The following GNAL variants were observed in gnomAD, a reference collection of about 807,000 sequenced individuals.
The protein encoded by GNAL is guanine nucleotide-binding protein G(olf) subunit alpha.
A neutral mutation model predicts 55.1 loss-of-function variants in GNAL; 18 were observed. The ratio of observed to expected loss-of-function variants is 0.33; its 90% CI spans 0.23 to 0.48. GNAL has a LOEUF of 0.48. Among genes scored for constraint, GNAL ranks in the 20% least tolerant of loss-of-function variants. The pLI, the probability that GNAL is intolerant of heterozygous loss-of-function variation, is 0.99. For synonymous variants in GNAL, 253 were observed against 237.0 expected, an observed-to-expected ratio of 1.07 and a Z score of -0.62; for missense variants, 412 against 614.1, an observed-to-expected ratio of 0.67 and a Z score of 3.48.
At chr18:11,826,198 C>G (rs1022348304) in intron 5 of GNAL, among the ~76,000 whole-genome samples, 2 of 151,912 alleles carry the variant, frequency 1.3e-5, no homozygotes, top group South Asian at 2.1e-4. Context: ...CCCAGCGAAG[C>G]CCAGAGAGCC....
chr18:11,782,543 C>T (rs2033949919), intron 4 of GNAL, among the ~76,000 whole-genome samples: 1 of 152,076 alleles, frequency 6.6e-6, no homozygotes, highest in Non-Finnish European at 1.5e-5. Flanking sequence ...ATAGTCGTAA[C>T]ATTCAGGATA....
rs146050418 is a variant in GNAL at position 11,763,242 on chromosome 18, C to G, written c.624+9297C>G. 2.1e-3 allele frequency among the ~76,000 whole-genome samples: 326 copies of G among 152,220 alleles called. 2 individuals are homozygous for G. Among genetic ancestry groups the G allele is most frequent in the African/African-American group, 7.6e-3 (315 of 41,518 alleles). The stretch of plus-strand genomic sequence containing the variant: ...GTGGCCACATTCATGCTCTCACTCT[C>G]TCTACACTAACACACATTTTTGTGA... On this transcript the variant is annotated intron_variant, in intron 4 of 11. Transcript: ENST00000334049.
Position 11,867,242 on chromosome 18 carries a change from T to C in GNAL, c.910+16T>C, listed in dbSNP as rs1360627789. The C allele has an allele frequency of 1.4e-5, 22 of 1,541,818 alleles. No homozygotes were observed. Among genetic ancestry groups the C allele is most frequent in the Non-Finnish European group, 1.3e-5 (15 of 1,114,632 alleles). Reference sequence around the variant, plus strand: ...TGCTTTAACGGTGATTTTTTTATGCTCTCTCAAGAAAATAGGAGTGAATTC... The same window carrying C: ...TGCTTTAACGGTGATTTTTTTATGCCCTCTCAAGAAAATAGGAGTGAATTC... On this transcript the variant is annotated intron_variant, in intron 8 of 11. Coordinates refer to ENST00000334049, the MANE Select transcript of GNAL (RefSeq NM_182978.4).
chr18:11,871,253 C>CTCTT (rs1555616384), intron 9 of GNAL, among the ~76,000 whole-genome samples: 2 of 138,658 alleles, frequency 1.4e-5, no homozygotes, highest in African/African-American at 5.2e-5. Context: ...GTTTTTCTTT[C>CTCTT]TTTTTTTTTT....
chr18:11,705,344 T>A (rs1189708693), intron 1 of GNAL, among the ~76,000 whole-genome samples: 1 of 152,244 alleles, frequency 6.6e-6, no homozygotes, highest in South Asian at 2.1e-4. Context: ...ATTTTCTTTC[T>A]TCATTCATCT....
In GNAL at chr18:11,884,214, AT is replaced by A; in HGVS notation, c.*3082del. 1 of 511,388 alleles carries A rather than the reference AT, an allele frequency of 2.0e-6. No homozygotes were observed. Among genetic ancestry groups the A allele is most frequent in the Non-Finnish European group, 3.5e-6 (1 of 283,416 alleles). 31.7% of individuals were successfully genotyped at this position (511,388 alleles called of 1,614,324 possible). On this transcript the variant is annotated 3_prime_UTR_variant, in exon 12 of 12. Coordinates refer to ENST00000334049, the MANE Select transcript of GNAL (RefSeq NM_182978.4). ...AGATGCAACCTTTGATGATACATATATTTGATAAAAATGAGAAAACAGATTT... is the reference window on the plus strand; with the variant it reads ...AGATGCAACCTTTGATGATACATATATTGATAAAAATGAGAAAACAGATTT...
chr18:11,787,267 T>A (rs1352410449), intron 4 of GNAL, among the ~76,000 whole-genome samples: 1 of 152,214 alleles, frequency 6.6e-6, no homozygotes, highest in Non-Finnish European at 1.5e-5. Flanking sequence ...GGCAGAAGTC[T>A]GTTCTGTATC....
intron 5 of GNAL, among the ~76,000 whole-genome samples, chr18:11,849,037 A>C (rs2035797016): frequency 6.6e-6 from 1 of 152,202 alleles, no homozygotes; most frequent in South Asian, 2.1e-4. Flanking sequence ...CATTTATAGT[A>C]TCTACTTCAT....
intron 1 of GNAL, among the ~76,000 whole-genome samples, chr18:11,728,669 C>T (rs1264265063): frequency 6.6e-6 from 1 of 152,190 alleles, no homozygotes; most frequent in Admixed American, 6.5e-5. Context: ...AACTTCATTT[C>T]ACCCTCAGTC....
intron 1 of GNAL, among the ~76,000 whole-genome samples, chr18:11,691,592 A>G (rs1329864358): frequency 6.6e-6 from 1 of 150,870 alleles, no homozygotes; most frequent in South Asian, 2.1e-4. Flanking sequence ...TTATGGTTTT[A>G]GGTCTAACGT....
Position 11,868,684 on chromosome 18 carries a change from A to G in GNAL, c.1031+21A>G. Reference sequence around the variant, plus strand: ...AACAGGTGACAAAAATAGCAAATTCAGTCTTACCATTGGATTGCAAATTTT... The same window carrying G: ...AACAGGTGACAAAAATAGCAAATTCGGTCTTACCATTGGATTGCAAATTTT... On this transcript the variant is annotated intron_variant, in intron 9 of 11. Transcript: ENST00000334049. This position sits in a 1 kb window ranked among gnomAD's most constrained non-coding sequence, Gnocchi z 4.0. 6.3e-7 allele frequency: 1 copy of G among 1,595,748 alleles called. No homozygotes were observed. The highest frequency in any genetic ancestry group is 8.5e-7 in the Non-Finnish European group (1 of 1,171,984).
At chr18:11,767,708 C>T (rs1424574085) in intron 4 of GNAL, among the ~76,000 whole-genome samples, 2 of 152,200 alleles carry the variant, frequency 1.3e-5, no homozygotes, top group Non-Finnish European at 2.9e-5. Context: ...TGCACTTGCA[C>T]GCTTGCTGTC....
Position 11,751,371 on chromosome 18 carries a change from TG to T in GNAL, c.377-1480del. On this transcript the variant is annotated intron_variant, in intron 1 of 11. Coordinates refer to ENST00000334049, the MANE Select transcript of GNAL (RefSeq NM_182978.4). This position sits in a 1 kb window ranked among gnomAD's most constrained non-coding sequence, Gnocchi z 4.5. ...CCAAGTTCGAGGCCACAGTGCCTTC[TG>T]GAAGAGTTGTTGTGCTGCTTGGGAG... 1 of 333,660 alleles carries T rather than the reference TG, an allele frequency of 3.0e-6. No individual in the cohort carries two copies. Among genetic ancestry groups the T allele is most frequent in the Non-Finnish European group, 4.3e-6 (1 of 233,814 alleles). 20.7% of individuals were successfully genotyped at this position (333,660 alleles called of 1,614,324 possible).
chr18:11,756,478 T>C (rs1367607495), intron 4 of GNAL, among the ~76,000 whole-genome samples: 14 of 152,064 alleles, frequency 9.2e-5, no homozygotes, highest in Non-Finnish European at 2.9e-5. Flanking sequence ...CATTCTGTTG[T>C]CTTAAATGTC....
intron 1 of GNAL, among the ~76,000 whole-genome samples, chr18:11,722,254 C>T (rs2032112383): frequency 6.6e-6 from 1 of 152,174 alleles, no homozygotes; most frequent in African/African-American, 2.4e-5. Flanking sequence ...ATGATTTTTC[C>T]TGCTTGGCTA....
chr18:11,835,299 A>G (rs1292503161), intron 5 of GNAL, among the ~76,000 whole-genome samples: 1 of 152,020 alleles, frequency 6.6e-6, no homozygotes, highest in Non-Finnish European at 1.5e-5. Context: ...TGAGGAATGG[A>G]TACATGGATA....
intron 5 of GNAL, among the ~76,000 whole-genome samples, chr18:11,836,421 G>A (rs1384967527): frequency 6.6e-6 from 1 of 151,980 alleles, no homozygotes; most frequent in Non-Finnish European, 1.5e-5. Context: ...ACTCCAGCCT[G>A]GGCAACAAGA....
At chr18:11,844,818 T>C (rs1318128646) in intron 5 of GNAL, among the ~76,000 whole-genome samples, 1 of 152,180 alleles carries the variant, frequency 6.6e-6, no homozygotes, top group Non-Finnish European at 1.5e-5. Context: ...ACTGGCCAAT[T>C]TGTACATTCG....
intron 4 of GNAL, among the ~76,000 whole-genome samples, chr18:11,813,427 C>A (rs930721313): frequency 6.6e-6 from 1 of 152,076 alleles, no homozygotes; most frequent in African/African-American, 2.4e-5. Context: ...CAAGCTAATG[C>A]TAAAATTTAT....
Sources: gnomAD v4.1 joint callset for allele counts (sites outside exome capture counted in the v4.1 genomes callset) on GRCh38, gnomAD v4.1.1 for gene constraint, Gnocchi (gnomAD v3.1) non-coding constraint, MANE v1.5 for transcripts, NCBI Gene and HGNC (gene_info 2026-07-23, HGNC 2026-07-21) for gene names.